The following ANKLE2 variants were observed in gnomAD, a reference collection of about 807,000 sequenced individuals.
The protein encoded by ANKLE2 is ankyrin repeat and LEM domain-containing protein 2.
Under a neutral mutation model 84.2 loss-of-function variants are expected in ANKLE2, and 55 were observed. That is an observed-to-expected ratio of 0.65 (90% CI 0.53 to 0.82). ANKLE2 has a LOEUF of 0.82. ANKLE2 is among the 40% of genes least tolerant of loss of function. ANKLE2 has a pLI of 0.00. For missense variants in ANKLE2, 1,238 were observed against 1,201.9 expected (o/e 1.03, Z -0.44); for synonymous variants, 551 against 486.1 (o/e 1.13, Z -1.76).
chr12:132,759,903 G>A (rs1388227680), intron 1 of ANKLE2: 1 of 152,200 alleles, frequency 6.6e-6, no homozygotes, highest in African/African-American at 2.4e-5. Context: ...GGAAGCTGAG[G>A]CAGGTGGATC....
intron 12 of ANKLE2, 34 bp downstream of exon 12, chr12:132,727,998 C>A: frequency 6.4e-7 from 1 of 1,572,546 alleles, no homozygotes; most frequent in South Asian, 1.2e-5. Context: ...CAAAAGCTGC[C>A]CTGCGGGTGA....
At chr12:132,750,604 T>A (rs939134364) in intron 3 of ANKLE2, 39 bp downstream of exon 3, 56 of 1,606,910 alleles carry the variant, frequency 3.5e-5, no homozygotes, top group Non-Finnish European at 4.8e-5. Flanking sequence ...GGGATCAATG[T>A]GACAGGAACA....
At chr12:132,735,265 T>TA (rs1468514454) in intron 9 of ANKLE2, 141 bp downstream of exon 9, 2 of 770,178 alleles carry the variant, frequency 2.6e-6, no homozygotes, top group Non-Finnish European at 4.5e-6. Flanking sequence ...CACAAGGAAT[T>TA]AGACCTTCAC....
Position 132,761,637 on chromosome 12 carries a change from C to A in ANKLE2, c.162G>T (p.Ala54=), listed in dbSNP as rs1293157124. 2 of 1,262,704 alleles carry A rather than the reference C, an allele frequency of 1.6e-6. No homozygotes were observed. Among genetic ancestry groups the A allele is most frequent in the Non-Finnish European group, 2.0e-6 (2 of 1,005,568 alleles). The allele number at this position is 1,262,704 out of a possible 1,614,324, so 78.2% of individuals were successfully genotyped here. Residue 54 remains alanine, a synonymous_variant, in exon 1 of 13, where the codon GCG becomes GCT. Coordinates refer to ENST00000357997, the MANE Select transcript of ANKLE2 (RefSeq NM_015114.3). The part of the protein sequence containing the change: ...RSGTPVPPPS[A]AAAPASGEMT... ...CCTTACCTGAGGCGGGGGCGGCGGCCGCGCTTGGCGGAGGAACTGGGGTCC... is the reference window on the plus strand; with the variant it reads ...CCTTACCTGAGGCGGGGGCGGCGGCAGCGCTTGGCGGAGGAACTGGGGTCC...
chr12:132,748,406 A>G, intron 3 of ANKLE2, 75 bp from the exon 4 acceptor site: 5 of 1,537,202 alleles, frequency 3.3e-6, no homozygotes, highest in Non-Finnish European at 4.4e-6. Flanking sequence ...CCCTCTGATG[A>G]GGGATAAGCA....
chr12:132,743,394 C>CAAAAT lies in ANKLE2; in HGVS notation c.1231-119_1231-118insATTTT. The stretch of plus-strand genomic sequence containing the variant: ...ATTTATTTATTTTGAGACGGAGTCT[C>CAAAAT]ACTGGCGTGATCTTGGCTCACTGCA... On this transcript the variant is annotated intron_variant, in intron 5 of 12. Transcript: ENST00000357997. This position sits in a 1 kb window ranked among gnomAD's most constrained non-coding sequence, Gnocchi z 4.1. The CAAAAT allele has an allele frequency of 7.5e-7, 1 of 1,330,310 alleles. No individual in the cohort carries two copies. Among genetic ancestry groups the CAAAAT allele is most frequent in the Non-Finnish European group, 9.9e-7 (1 of 1,008,340 alleles). The allele number at this position is 1,330,310 out of a possible 1,614,324, so 82.4% of individuals were successfully genotyped here. A position where few individuals can be genotyped will look rare whatever the true frequency, so the allele number is the denominator to read the frequency against.
rs779286233 is a variant in ANKLE2, at chr12:132,743,195, C to A, written c.1312G>T (p.Val438Leu). The A allele has an allele frequency of 2.5e-6, 4 of 1,611,146 alleles. No individual in the cohort carries two copies. The highest frequency in any genetic ancestry group is 3.4e-6 in the Non-Finnish European group (4 of 1,178,598). The change falls in exon 6 of 13, where the codon GTA (valine) becomes TTA (leucine). Residue 438 changes from valine to leucine, a missense_variant. Transcript: ENST00000357997. The surrounding 1 kb of genome is among the most constrained non-coding windows in gnomAD (Gnocchi z 4.1). ...TCATATTTATTCCTTGAGTTTTTTA[C>A]AATCAAATGGTGTGACGAAAGCACG... is the stretch of plus-strand genomic sequence containing the variant. ...VNVLSSHHLI[V>L]KNSRNKYDKT...
At chr12:132,734,114 G>C (rs532413713) in intron 10 of ANKLE2, 1 of 552,682 alleles carries the variant, frequency 1.8e-6, no homozygotes, top group Non-Finnish European at 3.4e-6. Flanking sequence ...GCGTGGTGGC[G>C]GGCGCCTGTA....
chr12:132,727,158 T>C lies in ANKLE2; in HGVS notation c.*84A>G. Reference sequence around the variant, plus strand: ...GAGGAGTAATAATTTAATCAGAATATATTCCTTTTTGACAGTTTAGCAATA... The same window carrying C: ...GAGGAGTAATAATTTAATCAGAATACATTCCTTTTTGACAGTTTAGCAATA... On this transcript the variant is annotated 3_prime_UTR_variant, in exon 13 of 13. Transcript: ENST00000357997. 7.5e-7 allele frequency: 1 copy of C among 1,341,888 alleles called. No individual in the cohort carries two copies. The highest frequency in any genetic ancestry group is 9.9e-7 in the Non-Finnish European group (1 of 1,008,588). The allele number at this position is 1,341,888 out of a possible 1,614,324, so 83.1% of individuals were successfully genotyped here. A position where few individuals can be genotyped will look rare whatever the true frequency, so the allele number is the denominator to read the frequency against.
chr12:132,751,017 C>A lies in ANKLE2; in HGVS notation c.641-168G>T, dbSNP rs1593175368. On this transcript the variant is annotated intron_variant, in intron 2 of 12. Coordinates refer to ENST00000357997, the MANE Select transcript of ANKLE2 (RefSeq NM_015114.3). The stretch of plus-strand genomic sequence containing the variant: ...AGGGCCTAAGCTAGCCAAAATAGAA[C>A]AATTAACAAGCTCGACAGTGTGCAT... 8.1e-6 allele frequency: 5 copies of A among 614,184 alleles called. No individual in the cohort carries two copies. In the African/African-American group the frequency reaches 9.2e-5, roughly 11 times the overall value. The allele number at this position is 614,184 out of a possible 1,614,324, so 38.0% of individuals were successfully genotyped here.
chr12:132,741,785 G>A, intron 6 of ANKLE2: 1 of 526,454 alleles, frequency 1.9e-6, no homozygotes, highest in East Asian at 4.9e-5. Context: ...AGTAAAAGCA[G>A]AAGCACGTGA....
At chr12:132,738,754 G>A (rs1298435096) in intron 7 of ANKLE2, 1 of 152,208 alleles carries the variant, frequency 6.6e-6, no homozygotes, top group Non-Finnish European at 1.5e-5. Context: ...TCGATCTCCT[G>A]ACCTTGTGAT....
intron 11 of ANKLE2, 129 bp from the exon 12 acceptor site, chr12:132,728,292 TG>T: frequency 8.6e-7 from 1 of 1,165,964 alleles, no homozygotes; most frequent in Non-Finnish European, 1.2e-6. Context: ...TGCAGTGGCG[TG>T]ATCTCGGCTC....
At chr12:132,734,803 G>A (rs890002299) in intron 9 of ANKLE2, 21 of 512,648 alleles carry the variant, frequency 4.1e-5, no homozygotes, top group South Asian at 1.0e-4. Context: ...GCCGTGAACC[G>A]GCTGCAGGCA....
At chr12:132,741,745 G>T (rs1232449310) in intron 6 of ANKLE2, 2 of 600,002 alleles carry the variant, frequency 3.3e-6, no homozygotes, top group East Asian at 7.1e-5. Flanking sequence ...CTAACTGTCT[G>T]CAAGGAGAGG....
chr12:132,734,586 C>G lies in ANKLE2; in HGVS notation c.1701-11G>C. On this transcript the variant is annotated splice_polypyrimidine_tract_variant and intron_variant, in intron 9 of 12. Coordinates refer to ENST00000357997, the MANE Select transcript of ANKLE2 (RefSeq NM_015114.3). ...TCATGAGCTAGCTCCCTGTAAGAAA[C>G]AAAACACAATTAACCAGCTGTGAAA... is the stretch of plus-strand genomic sequence containing the variant. 1.3e-6 allele frequency: 2 copies of G among 1,595,678 alleles called. No homozygotes were observed. The highest frequency in any genetic ancestry group is 1.7e-6 in the Non-Finnish European group (2 of 1,172,740).
chr12:132,736,945 C>T lies in ANKLE2; in HGVS notation c.1541G>A (p.Arg514Lys), dbSNP rs747309779. ...GGCTCTCAGGGTCAGTACCGGGTCT[C>T]TGGGGCTGCCTCCATAGCGGCTGAC... is the stretch of plus-strand genomic sequence containing the variant. The part of the protein sequence containing the change: ...SHVSRYGGSP[R>K]DPVLTLRAFA... The change falls in exon 8 of 13, where the codon AGA (arginine) becomes AAA (lysine). Residue 514 changes from arginine (R) to lysine (K), a missense_variant. Physicochemically the swap from Arg to Lys is conservative, Grantham distance 26 (BLOSUM62 2). Around this residue, in one of 3 missense-constraint regions of ANKLE2, gnomAD observed 802 missense variants for 774.5 expected, o/e 1.04. Transcript: ENST00000357997. 14 of 1,613,910 alleles carry T rather than the reference C, an allele frequency of 8.7e-6. No individual in the cohort carries two copies. Among genetic ancestry groups the T allele is most frequent in the Non-Finnish European group, 1.1e-5 (13 of 1,179,858 alleles).
In ANKLE2 at chr12:132,755,018, C is replaced by T; in HGVS notation, c.297G>A (p.Arg99=). The stretch of plus-strand genomic sequence containing the variant: ...GAGCCAATTTTTTCTCAAAAATGAA[C>T]CTTGTAGTTGATGTAATGGGTCCAC... The part of the protein sequence containing the change: ...LKCGPITSTT[R]FIFEKKLAQA... The change falls in exon 2 of 13, where the codon AGG becomes AGA. Residue 99 remains arginine, a synonymous_variant. Transcript: ENST00000357997. 6.2e-7 allele frequency: 1 copy of T among 1,614,102 alleles called. No homozygotes were observed. Among genetic ancestry groups the T allele is most frequent in the South Asian group, 1.1e-5 (1 of 91,078 alleles).
At chr12:132,728,746 C>T (rs764811878) in intron 11 of ANKLE2, among the ~76,000 whole-genome samples, 3 of 152,166 alleles carry the variant, frequency 2.0e-5, no homozygotes, top group Non-Finnish European at 2.9e-5. Flanking sequence ...TCTGGGTGCA[C>T]GCCTGCATTC....
Sources: gnomAD v4.1 joint callset for allele counts (sites outside exome capture counted in the v4.1 genomes callset) on GRCh38, gnomAD v4.1.1 for gene constraint, gnomAD v4.1.1 regional missense constraint, Gnocchi (gnomAD v3.1) non-coding constraint, MANE v1.5 for transcripts, NCBI Gene and HGNC (gene_info 2026-07-23, HGNC 2026-07-21) for gene names.